The following WNT3 variants were observed in gnomAD, a reference collection of about 807,000 sequenced individuals.
WNT3 encodes Wnt family member 3.
WNT3 carries 7 observed loss-of-function variants against 34.2 expected under a neutral mutation model. The ratio of observed to expected loss-of-function variants is 0.20; its 90% CI spans 0.12 to 0.38. WNT3 has a LOEUF of 0.38. WNT3 is among the 10% of genes least tolerant of loss of function. WNT3 has a pLI of 1.00. For missense variants in WNT3, 267 were observed against 499.8 expected (o/e 0.53, Z 4.44); for synonymous variants, 212 against 211.5 (o/e 1.00, Z -0.02).
chr17:46,818,652 G>T lies in WNT3; in HGVS notation c.-55C>A. The T allele has an allele frequency of 2.0e-6, 3 of 1,464,000 alleles. No individual in the cohort carries two copies. The highest frequency in any genetic ancestry group is 2.8e-6 in the Non-Finnish European group (3 of 1,065,120). 90.7% of individuals were successfully genotyped at this position (1,464,000 alleles called of 1,614,324 possible). On this transcript the variant is annotated 5_prime_UTR_variant, in exon 1 of 5. Transcript: ENST00000225512. Reference sequence around the variant, plus strand: ...CGCGACCATGAAGAGGGGGAGCGACGCCCCCAATAGTTGGAACAAAGTCCA... The same window carrying T: ...CGCGACCATGAAGAGGGGGAGCGACTCCCCCAATAGTTGGAACAAAGTCCA...
chr17:46,795,302 T>A (rs892426984), intron 1 of WNT3, among the ~76,000 whole-genome samples: 2 of 152,126 alleles, frequency 1.3e-5, no homozygotes, highest in African/African-American at 4.8e-5. Flanking sequence ...TCCCCTGGTG[T>A]GGCCAGAACT....
Position 46,808,722 on chromosome 17 carries a change from A to C in WNT3, c.80+9796T>G, listed in dbSNP as rs189874863. Among the ~76,000 whole-genome samples the C allele has an allele frequency of 1.7e-3, 256 of 152,308 alleles. 1 individual carries two copies. The highest frequency in any genetic ancestry group is 1.9e-3 in the Non-Finnish European group (132 of 68,022). ...CAATCTTAAAATTAATGACTTAGAC[A>C]CTTAAGCATCGTGTGAACTGGTGAA... is the stretch of plus-strand genomic sequence containing the variant. On this transcript the variant is annotated intron_variant, in intron 1 of 4. Transcript: ENST00000225512.
intron 2 of WNT3, among the ~76,000 whole-genome samples, 197 bp from the exon 3 acceptor site, chr17:46,770,245 G>A (rs936801295): frequency 2.6e-5 from 4 of 152,198 alleles, no homozygotes; most frequent in African/African-American, 9.6e-5. Context: ...CCACTTCACC[G>A]ATGAGCAAAC....
At chr17:46,786,833 TGAACATTCTA>T (rs755915534) in intron 1 of WNT3, among the ~76,000 whole-genome samples, 1 of 152,200 alleles carries the variant, frequency 6.6e-6, no homozygotes, top group African/African-American at 2.4e-5. Flanking sequence ...CAGGGGATGC[TGAACATTCTA>T]GAACATTCTA....
rs532219850 is a variant in WNT3, at chr17:46,790,788, C to T, written c.81-16879G>A. 7.2e-5 allele frequency among the ~76,000 whole-genome samples: 11 copies of T among 152,370 alleles called. No individual in the cohort carries two copies. In the East Asian group the frequency reaches 1.5e-3, roughly 21 times the overall value. Reference sequence around the variant, plus strand: ...GAAGAAGCATTTGGGCACGCCCCTCCGTTTCCGTCCACCTTGGCAGAAATC... The same window carrying T: ...GAAGAAGCATTTGGGCACGCCCCTCTGTTTCCGTCCACCTTGGCAGAAATC... On this transcript the variant is annotated intron_variant, in intron 1 of 4. Coordinates refer to ENST00000225512, the MANE Select transcript of WNT3 (RefSeq NM_030753.5).
chr17:46,815,238 G>A (rs1156299930), intron 1 of WNT3, among the ~76,000 whole-genome samples: 1 of 152,020 alleles, frequency 6.6e-6, no homozygotes, highest in East Asian at 1.9e-4. Flanking sequence ...GACTGACAAG[G>A]GGAATTCGAG....
intron 1 of WNT3, among the ~76,000 whole-genome samples, chr17:46,815,302 C>T (rs750943277): frequency 2.0e-5 from 3 of 152,212 alleles, no homozygotes; most frequent in Non-Finnish European, 4.4e-5. Context: ...GAGAACATCT[C>T]TTCCTTCCAG....
chr17:46,792,880 C>T (rs183959638), intron 1 of WNT3, among the ~76,000 whole-genome samples: 1 of 152,024 alleles, frequency 6.6e-6, no homozygotes, highest in Non-Finnish European at 1.5e-5. Context: ...GCCAAAGAAC[C>T]CAATTTAACG....
At position 46,777,063 on chromosome 17, in the gene WNT3, G is replaced by A. The variant is rs369992223; in HGVS notation, c.81-3154C>T. Among the ~76,000 whole-genome samples, 44 of 152,262 alleles carry A rather than the reference G, an allele frequency of 2.9e-4. 1 individual carries two copies. In the Middle Eastern group the frequency reaches 0.01, roughly 35 times the overall value. On this transcript the variant is annotated intron_variant, in intron 1 of 4. Coordinates refer to ENST00000225512, the MANE Select transcript of WNT3 (RefSeq NM_030753.5). ...ATTATACAGATGAAAAACAGAGGCCGACCATGCCAGGTGGCTCACGCCTGT... is the reference window on the plus strand; with the variant it reads ...ATTATACAGATGAAAAACAGAGGCCAACCATGCCAGGTGGCTCACGCCTGT...
At chr17:46,792,940 A>G (rs1049712896) in intron 1 of WNT3, among the ~76,000 whole-genome samples, 1 of 152,056 alleles carries the variant, frequency 6.6e-6, no homozygotes, top group East Asian at 1.9e-4. Flanking sequence ...AAAGTCACAT[A>G]GCTAGGAAAT....
chr17:46,787,475 T>C (rs555615519), intron 1 of WNT3, among the ~76,000 whole-genome samples: 1 of 152,318 alleles, frequency 6.6e-6, no homozygotes, highest in African/African-American at 2.4e-5. Flanking sequence ...AGGGAAGCGA[T>C]GTGCCTTCCC....
In WNT3 at chr17:46,783,226, T is replaced by C. The variant is rs187380674; in HGVS notation, c.81-9317A>G. On this transcript the variant is annotated intron_variant, in intron 1 of 4. Coordinates refer to ENST00000225512, the MANE Select transcript of WNT3 (RefSeq NM_030753.5). ...GACCCAAGGTCTTGAGATAAAACCA[T>C]GAAGGAGCAGCTGCCCGGGCTCTAA... 2.6e-5 allele frequency among the ~76,000 whole-genome samples: 4 copies of C among 152,188 alleles called. No homozygotes were observed. The East Asian group carries it at 5.8e-4, about 22-fold the overall frequency.
chr17:46,776,313 A>G (rs548782817), intron 1 of WNT3, among the ~76,000 whole-genome samples: 2 of 152,352 alleles, frequency 1.3e-5, no homozygotes, highest in South Asian at 2.1e-4. Context: ...CCTGATGGGC[A>G]CACGGCGCAC....
At chr17:46,772,987 T>C (rs1472812090) in intron 2 of WNT3, among the ~76,000 whole-genome samples, 1 of 152,060 alleles carries the variant, frequency 6.6e-6, no homozygotes, top group African/African-American at 2.4e-5. Flanking sequence ...TTCCACCCAG[T>C]CCATGAGCCC....
At chr17:46,778,516 A>G (rs1176585109) in intron 1 of WNT3, among the ~76,000 whole-genome samples, 1 of 152,094 alleles carries the variant, frequency 6.6e-6, no homozygotes, top group Non-Finnish European at 1.5e-5. Context: ...TTCCCCAAAC[A>G]TGCCCGGCCA....
chr17:46,793,301 A>AAAAT (rs554167946), intron 1 of WNT3, among the ~76,000 whole-genome samples: 1 of 126,620 alleles, frequency 7.9e-6, no homozygotes. Context: ...AAAAAAAAAA[A>AAAAT]TGAGGGGAGA....
At chr17:46,814,320 A>G (rs1222929767) in intron 1 of WNT3, among the ~76,000 whole-genome samples, 1 of 152,216 alleles carries the variant, frequency 6.6e-6, no homozygotes, top group African/African-American at 2.4e-5. Flanking sequence ...GGCTCTTGGT[A>G]TTATTATAAC....
intron 1 of WNT3, among the ~76,000 whole-genome samples, chr17:46,782,734 G>T (rs1321740167): frequency 6.6e-6 from 1 of 152,238 alleles, no homozygotes; most frequent in Non-Finnish European, 1.5e-5. Context: ...TGTGGATGAG[G>T]GAGGCCACAG....
intron 2 of WNT3, among the ~76,000 whole-genome samples, chr17:46,771,834 G>T (rs1413337946): frequency 6.2e-5 from 9 of 144,444 alleles, no homozygotes; most frequent in Non-Finnish European, 1.4e-4. Flanking sequence ...CGCGGTGGGG[G>T]GGCGGTGCTC....
Sources: gnomAD v4.1 joint callset for allele counts (sites outside exome capture counted in the v4.1 genomes callset) on GRCh38, gnomAD v4.1.1 for gene constraint, MANE v1.5 for transcripts, NCBI Gene and HGNC (gene_info 2026-07-23, HGNC 2026-07-21) for gene names.